Variants in MYCBP2 observed in about 807,000 individuals in gnomAD.
The protein encoded by MYCBP2 is MYC binding protein 2, also known as E3 ubiquitin-protein ligase MYCBP2.
A neutral mutation model predicts 525.3 loss-of-function variants in MYCBP2; 120 were observed. That is an observed-to-expected ratio of 0.23 (90% CI 0.20 to 0.27). The LOEUF is 0.27. Ranked by LOEUF, MYCBP2 falls within the 10% of genes least tolerant of loss-of-function variation. The probability of loss-of-function intolerance (pLI) is 1.00; values close to 1 mark genes in which losing one functional copy is unlikely to be tolerated. For missense variants in MYCBP2, 4,149 were observed against 5,657.1 expected (o/e 0.73, Z 8.55); for synonymous variants, 1,894 against 1,955.8 (o/e 0.97, Z 0.83).
At chr13:77,097,198 G>A (rs540127741) in intron 56 of MYCBP2, among the ~76,000 whole-genome samples, 172 bp downstream of exon 56, 185 of 152,192 alleles carry the variant, frequency 1.2e-3, no homozygotes, top group Non-Finnish European at 2.0e-3. Flanking sequence ...CATAATATTA[G>A]AATTTATCTG....
intron 3 of MYCBP2, among the ~76,000 whole-genome samples, chr13:77,283,095 T>A (rs2076367525): frequency 6.6e-6 from 1 of 152,130 alleles, no homozygotes; most frequent in Admixed American, 6.5e-5. Context: ...ACTTACTTAC[T>A]GGAGTACAAA....
intron 54 of MYCBP2, among the ~76,000 whole-genome samples, chr13:77,124,534 C>T (rs1333187002): frequency 6.6e-6 from 1 of 152,002 alleles, no homozygotes; most frequent in Non-Finnish European, 1.5e-5. Context: ...AGTTGTATTA[C>T]AAAACTTCAT....
chr13:77,082,201 A>G (rs1210375237), intron 63 of MYCBP2: 1 of 465,866 alleles, frequency 2.1e-6, no homozygotes, highest in East Asian at 3.5e-5. Context: ...GTAAATTCTA[A>G]GGAAAGTTGA....
rs140552075 is a variant in MYCBP2 at position 77,164,682 on chromosome 13, T to C, written c.6460-141A>G. On this transcript the variant is annotated intron_variant, in intron 42 of 82. Coordinates refer to ENST00000544440, the MANE Select transcript of MYCBP2 (RefSeq NM_015057.5). ...AGCTAATGGTTAAATTGAGAGTAGA[T>C]GAGATTCAGTACTCAATGTTGTGGC... 1.1e-3 allele frequency: 715 copies of C among 655,802 alleles called. 4 individuals carry two copies. The highest frequency in any genetic ancestry group is 1.7e-3 in the Non-Finnish European group (613 of 363,256). 40.6% of individuals were successfully genotyped at this position (655,802 alleles called of 1,614,324 possible).
At chr13:77,243,245 T>C in intron 16 of MYCBP2, 85 bp from the exon 17 acceptor site, 2 of 1,034,348 alleles carry the variant, frequency 1.9e-6, no homozygotes, top group Admixed American at 3.8e-5. Context: ...TTCAAGAAAG[T>C]AAAAGCTAGC....
intron 21 of MYCBP2, 75 bp from the exon 22 acceptor site, chr13:77,212,235 T>A: frequency 7.7e-7 from 1 of 1,304,864 alleles, no homozygotes; most frequent in Non-Finnish European, 1.1e-6. Context: ...AAGGAGGCAG[T>A]AGATAAAAAT....
Position 77,288,179 on chromosome 13 carries a change from G to T in MYCBP2, c.576C>A (p.Pro192=). 6.2e-7 allele frequency: 1 copy of T among 1,614,082 alleles called. No homozygotes were observed. The highest frequency in any genetic ancestry group is 8.5e-7 in the Non-Finnish European group (1 of 1,180,010). ...GGCTTACCTTTGGAAGCTTGATAGGGGGCTCTTTGGATTCCTCTTCTTCAT... is the reference window on the plus strand; with the variant it reads ...GGCTTACCTTTGGAAGCTTGATAGGTGGCTCTTTGGATTCCTCTTCTTCAT... ...DSDEEEESKE[P]PIKLPKIIEV... The change falls in exon 3 of 83, where the codon CCC becomes CCA. Residue 192 remains proline (P), a synonymous_variant. Transcript: ENST00000544440.
At position 77,081,614 on chromosome 13, in the gene MYCBP2, C is replaced by T; in HGVS notation, c.11231G>A (p.Ser3744Asn). The T allele has an allele frequency of 6.2e-7, 1 of 1,613,588 alleles. No individual in the cohort carries two copies. Among genetic ancestry groups the T allele is most frequent in the Non-Finnish European group, 8.5e-7 (1 of 1,179,842 alleles). Residue 3744 changes from serine (S) to asparagine (N), a missense_variant, in exon 65 of 83, where the codon AGC becomes AAC. Ser to Asn is a conservative substitution (Grantham distance 46). Coordinates refer to ENST00000544440, the MANE Select transcript of MYCBP2 (RefSeq NM_015057.5). The surrounding 1 kb of genome is among the most constrained non-coding windows in gnomAD (Gnocchi z 4.6). ...GCTTGAAGTTTTTATGTCAACAATG[C>T]TGGTTAAGTCCTTTAAGCACATTAC... is the stretch of plus-strand genomic sequence containing the variant. ...CIVMCLKDLT[S>N]IVDIKTSSRP... is the part of the protein sequence containing the mutation.
intron 68 of MYCBP2, among the ~76,000 whole-genome samples, chr13:77,073,540 T>C (rs1045484477): frequency 6.6e-6 from 1 of 152,028 alleles, no homozygotes; most frequent in African/African-American, 2.4e-5. Flanking sequence ...GCTTAATCAA[T>C]GCAATAACAC....
intron 2 of MYCBP2, among the ~76,000 whole-genome samples, chr13:77,292,730 G>A (rs1437710229): frequency 6.6e-6 from 1 of 152,126 alleles, no homozygotes; most frequent in Non-Finnish European, 1.5e-5. Flanking sequence ...AGGCCAAGGC[G>A]GGTGGTTCAC....
At chr13:77,138,498 C>T (rs1350230475) in intron 52 of MYCBP2, among the ~76,000 whole-genome samples, 2 of 152,166 alleles carry the variant, frequency 1.3e-5, no homozygotes, top group African/African-American at 4.8e-5. Flanking sequence ...TATTTATTAG[C>T]TCTATCCTAA....
At chr13:77,198,077 T>C (rs1035911757) in intron 26 of MYCBP2, among the ~76,000 whole-genome samples, 4 of 152,208 alleles carry the variant, frequency 2.6e-5, no homozygotes, top group Non-Finnish European at 5.9e-5. Flanking sequence ...TTAGACATTG[T>C]CAAATAGAAC....
chr13:77,123,662 C>G (rs2051140171), intron 54 of MYCBP2, among the ~76,000 whole-genome samples: 1 of 152,168 alleles, frequency 6.6e-6, no homozygotes, highest in African/African-American at 2.4e-5. Flanking sequence ...AAAAGTTGCA[C>G]AGCTGGGATC....
chr13:77,256,598 C>T (rs922489884), intron 14 of MYCBP2, among the ~76,000 whole-genome samples: 1 of 152,006 alleles, frequency 6.6e-6, no homozygotes, highest in African/African-American at 2.4e-5. Context: ...CAAAAGTAGA[C>T]ATATGAATAG....
In MYCBP2 at chr13:77,046,942, C is replaced by T. The variant is rs557183014; in HGVS notation, c.13922-1449G>A. ...GGAGAGTGCGCAGGATGGGGACACT[C>T]AATGGCAGATCTAGTTCAGATACAC... On this transcript the variant is annotated intron_variant, in intron 82 of 82. Transcript: ENST00000544440. 1.1e-3 allele frequency among the ~76,000 whole-genome samples: 162 copies of T among 152,284 alleles called. 1 individual carries two copies. In the South Asian group the frequency reaches 0.032, roughly 30 times the overall value.
chr13:77,188,822 G>T, intron 30 of MYCBP2, 129 bp downstream of exon 30: 1 of 515,444 alleles, frequency 1.9e-6, no homozygotes. Context: ...ATATAAATGT[G>T]AATACAAAAC....
intron 21 of MYCBP2, among the ~76,000 whole-genome samples, chr13:77,214,938 T>A (rs771567080): frequency 6.6e-6 from 1 of 152,174 alleles, no homozygotes; most frequent in Non-Finnish European, 1.5e-5. Context: ...TGTATACACA[T>A]ACATACATAT....
chr13:77,291,201 A>G (rs1235174392), intron 2 of MYCBP2, among the ~76,000 whole-genome samples: 1 of 152,226 alleles, frequency 6.6e-6, no homozygotes, highest in Non-Finnish European at 1.5e-5. Flanking sequence ...AGAAGAAGAC[A>G]ATTACAAAAA....
At chr13:77,144,357 C>A (rs1177696410) in intron 49 of MYCBP2, 88 bp downstream of exon 49, 2 of 885,566 alleles carry the variant, frequency 2.3e-6, no homozygotes, top group Non-Finnish European at 3.7e-6. Context: ...ATGTCTAGTG[C>A]AAGTTAATGG....
Sources: gnomAD v4.1 joint callset for allele counts (sites outside exome capture counted in the v4.1 genomes callset) on GRCh38, gnomAD v4.1.1 for gene constraint, Gnocchi (gnomAD v3.1) non-coding constraint, MANE v1.5 for transcripts, NCBI Gene and HGNC (gene_info 2026-07-23, HGNC 2026-07-21) for gene names.